Variants in CCNB2 observed in about 807,000 individuals in gnomAD.
The protein encoded by CCNB2 is cyclin B2.
CCNB2 carries 39 observed loss-of-function variants against 51.1 expected under a neutral mutation model. That is an observed-to-expected ratio of 0.76 (90% CI 0.59 to 1.00). The LOEUF (loss-of-function observed/expected upper bound fraction) is 1.00. Ranked by LOEUF, CCNB2 falls within the 50% of genes least tolerant of loss-of-function variation. The probability of loss-of-function intolerance (pLI) is 0.00; values close to 1 mark genes in which losing one functional copy is unlikely to be tolerated. For synonymous variants in CCNB2, 174 were observed against 165.5 expected (o/e 1.05, Z -0.40); for missense variants, 472 against 470.3 (o/e 1.00, Z -0.03).
chr15:59,107,515 C>T (rs762752818), intron 2 of CCNB2, 42 bp from the exon 3 acceptor site: 16 of 1,613,210 alleles, frequency 9.9e-6, no homozygotes, highest in Middle Eastern at 1.6e-4. Context: ...AGTCCCACAA[C>T]GCTGGCTGTC....
intron 3 of CCNB2, among the ~76,000 whole-genome samples, chr15:59,112,003 CA>C (rs1279764835): frequency 1.3e-5 from 2 of 151,960 alleles, no homozygotes; most frequent in African/African-American, 4.8e-5. Flanking sequence ...AAGTGTGCGC[CA>C]CCATGCCTGG....
At chr15:59,123,762 T>C (rs575859766) in intron 8 of CCNB2, 135 bp downstream of exon 8, 11 of 631,824 alleles carry the variant, frequency 1.7e-5, no homozygotes, top group South Asian at 1.7e-4. Context: ...ACAAATCCTT[T>C]ATCCTTTATA....
intron 3 of CCNB2, among the ~76,000 whole-genome samples, chr15:59,113,402 G>T (rs1168810220): frequency 1.3e-5 from 2 of 152,152 alleles, no homozygotes; most frequent in African/African-American, 4.8e-5. Context: ...ACGTATCAGG[G>T]ATTATATAGA....
In CCNB2 at chr15:59,117,220, T is replaced by C. The variant is rs2079282842; in HGVS notation, c.835-8T>C. 1.2e-6 allele frequency: 2 copies of C among 1,610,796 alleles called. No homozygotes were observed. Among genetic ancestry groups the C allele is most frequent in the East Asian group, 2.2e-5 (1 of 44,814 alleles). ...TGATTCTTACTATCCCTTGCTGTTC[T>C]TTCTTAGGTTGATGTTGAACAGCAC... On this transcript the variant is annotated splice_region_variant and splice_polypyrimidine_tract_variant and intron_variant, in intron 6 of 8. Transcript: ENST00000288207.
chr15:59,105,239 G>T lies in CCNB2; in HGVS notation c.-30G>T. On this transcript the variant is annotated 5_prime_UTR_variant, in exon 1 of 9. Transcript: ENST00000288207. ...TTCAGTCCGCGTCCCTCCCTGGGCC[G>T]GGCTGGCACTCTTGCCTTCCCCGTC... 6.4e-7 allele frequency: 1 copy of T among 1,556,370 alleles called. No homozygotes were observed. The highest frequency in any genetic ancestry group is 8.7e-7 in the Non-Finnish European group (1 of 1,151,440).
chr15:59,123,726 TA>T (rs1448342544), intron 8 of CCNB2, 99 bp downstream of exon 8: 1 of 660,608 alleles, frequency 1.5e-6, no homozygotes, highest in African/African-American at 1.9e-5. Context: ...CATGTAAATA[TA>T]TTAATAACAT....
At chr15:59,123,119 A>G (rs1181459586) in intron 7 of CCNB2, among the ~76,000 whole-genome samples, 1 of 152,220 alleles carries the variant, frequency 6.6e-6, no homozygotes, top group Non-Finnish European at 1.5e-5. Context: ...AGCTCATAAC[A>G]GGGACAGCTG....
At chr15:59,113,251 C>T (rs1379893401) in intron 3 of CCNB2, among the ~76,000 whole-genome samples, 2 of 151,990 alleles carry the variant, frequency 1.3e-5, no homozygotes, top group Non-Finnish European at 2.9e-5. Context: ...TTTTAGTTGC[C>T]AGTTTTTCAA....
intron 7 of CCNB2, among the ~76,000 whole-genome samples, chr15:59,122,902 T>C (rs1370843381): frequency 6.6e-6 from 1 of 152,262 alleles, no homozygotes; most frequent in Admixed American, 6.5e-5. Flanking sequence ...ACTTGAATTT[T>C]ACTCTTTGGG....
chr15:59,110,475 GTC>G (rs1476824983), intron 3 of CCNB2, among the ~76,000 whole-genome samples: 5 of 152,224 alleles, frequency 3.3e-5, no homozygotes, highest in Non-Finnish European at 7.3e-5. Context: ...CTGCCTGCCT[GTC>G]TCTGGTCAGC....
chr15:59,122,352 G>A (rs1437183879), intron 7 of CCNB2, among the ~76,000 whole-genome samples: 3 of 142,560 alleles, frequency 2.1e-5, no homozygotes, highest in African/African-American at 7.8e-5. Flanking sequence ...GGGTTCCAGC[G>A]ATTCTCCTGC....
rs140527154 is a variant in CCNB2 at position 59,107,431 on chromosome 15, G to A, written c.134G>A (p.Arg45Lys). Residue 45 changes from arginine (R) to lysine (K), a missense_variant, in exon 2 of 9, where the codon AGA becomes AAA. By Grantham distance (26) the Arg-to-Lys change is conservative. Coordinates refer to ENST00000288207, the MANE Select transcript of CCNB2 (RefSeq NM_004701.4). ...LEEIGNRVTT[R>K]AAQVAKKAQN... ...GAAATTGGAAATAGAGTTACAACCA[G>A]AGCAGCACAAGTAGCTAAGGTAACA... is the stretch of plus-strand genomic sequence containing the variant. 3.9e-5 allele frequency: 63 copies of A among 1,613,866 alleles called. No individual in the cohort carries two copies. In the African/African-American group the frequency reaches 7.6e-4, roughly 19 times the overall value.
rs758081590 is a variant in CCNB2 at position 59,123,486 on chromosome 15, C to T, written c.976-31C>T. 49 of 1,331,756 alleles carry T rather than the reference C, an allele frequency of 3.7e-5. No individual in the cohort carries two copies. In the South Asian group the frequency reaches 5.7e-4, roughly 15 times the overall value. 82.5% of individuals were successfully genotyped at this position (1,331,756 alleles called of 1,614,324 possible). A position where few individuals can be genotyped will look rare whatever the true frequency, so the allele number is the denominator to read the frequency against. On this transcript the variant is annotated intron_variant, in intron 7 of 8. Coordinates refer to ENST00000288207, the MANE Select transcript of CCNB2 (RefSeq NM_004701.4). ...CAGAGGTTTTCTCTTGCCCCTCAGT[C>T]ATGTCTGTCTGTCTGCTTCTTGTGT...
intron 1 of CCNB2, among the ~76,000 whole-genome samples, chr15:59,107,079 C>T (rs1440539282): frequency 6.6e-6 from 1 of 152,116 alleles, no homozygotes; most frequent in Non-Finnish European, 1.5e-5. Context: ...CTCAGAATAG[C>T]TTTGCAAGGT....
At chr15:59,116,510 C>T (rs1281416523) in intron 5 of CCNB2, among the ~76,000 whole-genome samples, 180 bp from the exon 6 acceptor site, 1 of 90,442 alleles carries the variant, frequency 1.1e-5, no homozygotes, top group East Asian at 4.8e-4. Context: ...CTGTGCCTAG[C>T]ACACAGTGCT....
chr15:59,124,865 A>G lies in CCNB2; in HGVS notation c.1185A>G (p.Ile395Met), dbSNP rs762035387. 4 of 1,593,110 alleles carry G rather than the reference A, an allele frequency of 2.5e-6. No homozygotes were observed. The South Asian group carries it at 3.4e-5, about 14-fold the overall frequency. ...KAVKDLASPL[I>M]GRS ...TCAAAGACCTTGCCTCCCCACTGAT[A>G]GGAAGGTCCTAGGCTGCCGTGGCCC... is the stretch of plus-strand genomic sequence containing the variant. Residue 395 changes from isoleucine (I) to methionine (M), a missense_variant, in exon 9 of 9, where the codon ATA becomes ATG. Ile to Met is a conservative substitution (Grantham distance 10). Transcript: ENST00000288207.
At chr15:59,122,273 G>T (rs1254461226) in intron 7 of CCNB2, among the ~76,000 whole-genome samples, 4 of 55,206 alleles carry the variant, frequency 7.2e-5, no homozygotes, top group African/African-American at 7.3e-5. Flanking sequence ...TTTTGAGACA[G>T]AGTCTTTCTC....
chr15:59,116,815 T>C lies in CCNB2; in HGVS notation c.723T>C (p.Tyr241=), dbSNP rs1469404198. The change falls in exon 6 of 9, where the codon TAT becomes TAC. Residue 241 remains tyrosine (Y), a synonymous_variant. Coordinates refer to ENST00000288207, the MANE Select transcript of CCNB2 (RefSeq NM_004701.4). ...TTGTTTACATCACAGACAATGCTTATACCAGTTCCCAAATCCGAGAAATGG... is the reference window on the plus strand; with the variant it reads ...TTGTTTACATCACAGACAATGCTTACACCAGTTCCCAAATCCGAGAAATGG... ...EDFVYITDNA[Y]TSSQIREMET... 6 of 1,614,166 alleles carry C rather than the reference T, an allele frequency of 3.7e-6. No individual in the cohort carries two copies. The highest frequency in any genetic ancestry group is 5.1e-6 in the Non-Finnish European group (6 of 1,179,960).
chr15:59,114,088 A>G (rs2140287849), intron 3 of CCNB2, among the ~76,000 whole-genome samples: 1 of 152,328 alleles, frequency 6.6e-6, no homozygotes, highest in South Asian at 2.1e-4. Context: ...ACCCATATGG[A>G]CATAGGGGCA....
Sources: allele counts gnomAD v4.1 joint callset (sites outside exome capture counted in the v4.1 genomes callset), GRCh38; gene constraint gnomAD v4.1.1; transcripts MANE v1.5; gene names NCBI Gene and HGNC (gene_info 2026-07-23, HGNC 2026-07-21).